Variants in OR1J2 observed in about 807,000 individuals in gnomAD.
OR1J2 encodes the protein olfactory receptor family 1 subfamily J member 2.
For missense variants in OR1J2, 304 were observed against 246.1 expected, an observed-to-expected ratio of 1.24 and a Z score of -1.57; for synonymous variants, 142 against 99.7, an observed-to-expected ratio of 1.42 and a Z score of -2.52.
the OR1J2 span, among the ~76,000 whole-genome samples, chr9:122,498,547 T>C: frequency 1.3e-5 from 2 of 152,188 alleles, no homozygotes; most frequent in Non-Finnish European, 2.9e-5. Flanking sequence ...TTTAGAAGAT[T>C]TTTTGTGTTG....
At chr9:122,516,205 C>T (rs956413168), downstream of OR1J2, among the ~76,000 whole-genome samples, 6 of 151,974 alleles carry the variant, frequency 3.9e-5, no homozygotes, top group Non-Finnish European at 7.3e-5. Context: ...TAATACACAA[C>T]CTCACTGTAA....
the OR1J2 span, among the ~76,000 whole-genome samples, chr9:122,473,821 A>T: frequency 6.6e-6 from 1 of 152,200 alleles, no homozygotes; most frequent in Non-Finnish European, 1.5e-5. Flanking sequence ...ACTAATGAAG[A>T]AATGGTAAAA....
chr9:122,550,423 A>G, the OR1J2 span, among the ~76,000 whole-genome samples: 2 of 152,184 alleles, frequency 1.3e-5, no homozygotes, highest in Non-Finnish European at 2.9e-5. Flanking sequence ...CCTGGATATC[A>G]AAGCTAGATA....
At chr9:122,465,410 G>A in the OR1J2 span, among the ~76,000 whole-genome samples, 1 of 152,110 alleles carries the variant, frequency 6.6e-6, no homozygotes, top group Non-Finnish European at 1.5e-5. Context: ...AAATCCTAAA[G>A]CACGTAATTA....
the OR1J2 span, among the ~76,000 whole-genome samples, chr9:122,568,870 C>T: frequency 1.3e-5 from 2 of 152,018 alleles, no homozygotes; most frequent in Non-Finnish European, 2.9e-5. Context: ...GATCATTATA[C>T]TACAAAATAT....
chr9:122,493,760 T>C, the OR1J2 span, among the ~76,000 whole-genome samples: 1 of 152,152 alleles, frequency 6.6e-6, no homozygotes, highest in Non-Finnish European at 1.5e-5. Flanking sequence ...TGTTCTTGTT[T>C]CTCCAGTTCC....
At chr9:122,493,854 C>T in the OR1J2 span, among the ~76,000 whole-genome samples, 2 of 152,138 alleles carry the variant, frequency 1.3e-5, no homozygotes, top group African/African-American at 4.8e-5. Context: ...CTCCTCTTAG[C>T]ACTGCTTTTG....
At chr9:122,515,175 A>G (rs1218699500), downstream of OR1J2, among the ~76,000 whole-genome samples, 1 of 152,096 alleles carries the variant, frequency 6.6e-6, no homozygotes, top group African/African-American at 2.4e-5. Flanking sequence ...GAGAAGAGTA[A>G]GCTCCAGGTT....
At chr9:122,490,581 T>C in the OR1J2 span, among the ~76,000 whole-genome samples, 1 of 151,874 alleles carries the variant, frequency 6.6e-6, no homozygotes, top group Admixed American at 6.6e-5. Flanking sequence ...AAGTAGAAGG[T>C]GATGTCAACA....
At chr9:122,500,145 G>A in the OR1J2 span, among the ~76,000 whole-genome samples, 2 of 152,320 alleles carry the variant, frequency 1.3e-5, no homozygotes, top group African/African-American at 2.4e-5. Flanking sequence ...GTATGCACTT[G>A]GATTAAAAAT....
the OR1J2 span, among the ~76,000 whole-genome samples, chr9:122,501,627 A>G: frequency 6.6e-6 from 1 of 152,172 alleles, no homozygotes; most frequent in Admixed American, 6.5e-5. Flanking sequence ...TTCACTCCTG[A>G]ATTTTTAGAC....
the OR1J2 span, among the ~76,000 whole-genome samples, chr9:122,558,982 C>T: frequency 6.6e-6 from 1 of 152,056 alleles, no homozygotes; most frequent in African/African-American, 2.4e-5. Flanking sequence ...TACCTGTATA[C>T]ATTGTGTAAT....
At chr9:122,577,538 A>C in the OR1J2 span, among the ~76,000 whole-genome samples, 1 of 152,222 alleles carries the variant, frequency 6.6e-6, no homozygotes, top group South Asian at 2.1e-4. Flanking sequence ...TAAGCATGTG[A>C]ACAAGTAATT....
the OR1J2 span, among the ~76,000 whole-genome samples, chr9:122,578,043 T>C: frequency 1.3e-5 from 2 of 152,230 alleles, no homozygotes; most frequent in Non-Finnish European, 2.9e-5. Flanking sequence ...GGTGAGAATG[T>C]AAATTAGTAC....
chr9:122,519,600 A>G, the OR1J2 span: 1 of 1,613,980 alleles, frequency 6.2e-7, no homozygotes, highest in Non-Finnish European at 8.5e-7. Flanking sequence ...CCTCTCCTGT[A>G]CCAATGCCCT....
At chr9:122,459,395 A>T in the OR1J2 span, among the ~76,000 whole-genome samples, 2 of 152,214 alleles carry the variant, frequency 1.3e-5, no homozygotes, top group African/African-American at 2.4e-5. Flanking sequence ...GTTTATTACT[A>T]GACATTCTAT....
In OR1J2 at chr9:122,511,527, C is replaced by T; in HGVS notation, c.726C>T (p.Gly242=). 1 of 781,088 alleles carries T rather than the reference C, an allele frequency of 1.3e-6. No homozygotes were observed. The highest frequency in any genetic ancestry group is 2.4e-6 in the Non-Finnish European group (1 of 418,122). 48.4% of individuals were successfully genotyped at this position (781,088 alleles called of 1,614,324 possible). ...KGIHKALSTC[G]SHLSVVSLYY... ...TCCACAAAGCATTGTCCACATGTGG[C>T]TCCCATCTCTCTGTGGTGTCTCTCT... The change falls in exon 1 of 1, where the codon GGC becomes GGT. Residue 242 remains glycine (G), a synonymous_variant. Coordinates refer to ENST00000335302, the MANE Select transcript of OR1J2 (RefSeq NM_054107.1).
At chr9:122,526,403 C>T in the OR1J2 span, 1 of 1,510,274 alleles carries the variant, frequency 6.6e-7, no homozygotes, top group Non-Finnish European at 8.8e-7. Context: ...TCTTTAGGGC[C>T]CCCTTCATGT....
the OR1J2 span, chr9:122,477,231 C>T: frequency 1.2e-6 from 2 of 1,613,940 alleles, no homozygotes; most frequent in South Asian, 1.1e-5. Context: ...TGCATATGCC[C>T]TTGGTAGAGG....
Sources: allele counts gnomAD v4.1 joint callset (sites outside exome capture counted in the v4.1 genomes callset), GRCh38; gene constraint gnomAD v4.1.1; transcripts MANE v1.5; gene names NCBI Gene and HGNC (gene_info 2026-07-23, HGNC 2026-07-21).